Variants in CNTNAP5 observed in about 807,000 individuals in gnomAD.
CNTNAP5 encodes contactin associated protein family member 5, also known as contactin-associated protein-like 5.
In CNTNAP5, 72 loss-of-function variants were observed where a neutral mutation model predicts 150.2. The ratio of observed to expected loss-of-function variants is 0.48; its 90% CI spans 0.40 to 0.58. The LOEUF (loss-of-function observed/expected upper bound fraction) is 0.58, where lower values mean the gene tolerates loss of function less well. Ranked by LOEUF, CNTNAP5 falls within the 20% of genes least tolerant of loss-of-function variation. The probability of loss-of-function intolerance (pLI) is 0.00; values close to 1 mark genes in which losing one functional copy is unlikely to be tolerated. For missense variants in CNTNAP5, 1,636 were observed against 1,626.2 expected, an observed-to-expected ratio of 1.01 and a Z score of -0.10; for synonymous variants, 672 against 619.8, an observed-to-expected ratio of 1.08 and a Z score of -1.25.
rs58229263 is a variant in CNTNAP5, at chr2:124,482,046, A to T, written c.1062+7164A>T. ...TCAATCTTCAAGTGCTTTTTAAAAA[A>T]ACGGGCTATGTAAAAGTTGAAACGA... On this transcript the variant is annotated intron_variant, in intron 7 of 23. Coordinates refer to ENST00000682447, the MANE Select transcript of CNTNAP5 (RefSeq NM_001367498.1). Among the ~76,000 whole-genome samples the T allele has an allele frequency of 2.4e-3, 368 of 152,364 alleles. 4 individuals carry two copies. The highest frequency in any genetic ancestry group is 8.3e-3 in the African/African-American group (344 of 41,588).
Position 124,447,462 on chromosome 2 carries a change from G to C in CNTNAP5, c.918+525G>C, listed in dbSNP as rs376749852. ...AATGAACCAGTTCAATGCAAAGAAG[G>C]CTGCACAAAGCTCTGCAAACTGGCA... On this transcript the variant is annotated intron_variant, in intron 6 of 23. Coordinates refer to ENST00000682447, the MANE Select transcript of CNTNAP5 (RefSeq NM_001367498.1). 1.6e-3 allele frequency among the ~76,000 whole-genome samples: 244 copies of C among 152,238 alleles called. 2 individuals are homozygous for C. Among genetic ancestry groups the C allele is most frequent in the African/African-American group, 5.8e-3 (240 of 41,552 alleles).
chr2:124,560,539 A>G (rs999653514), intron 10 of CNTNAP5, among the ~76,000 whole-genome samples: 17 of 148,032 alleles, frequency 1.1e-4, no homozygotes, highest in East Asian at 4.2e-4. Flanking sequence ...AAAAAAAACT[A>G]AAGTGCAGAA....
At chr2:124,397,039 A>G (rs1278568009) in intron 3 of CNTNAP5, among the ~76,000 whole-genome samples, 1 of 152,192 alleles carries the variant, frequency 6.6e-6, no homozygotes, top group Non-Finnish European at 1.5e-5. Flanking sequence ...GCACATCACT[A>G]TATTGCAATG....
Position 124,574,385 on chromosome 2 carries a change from T to C in CNTNAP5, c.1756+11062T>C, listed in dbSNP as rs1004065249. Among the ~76,000 whole-genome samples the C allele has an allele frequency of 2.2e-4, 33 of 152,256 alleles. 1 individual carries two copies. Among genetic ancestry groups the C allele is most frequent in the South Asian group, 8.3e-4 (4 of 4,834 alleles). On this transcript the variant is annotated intron_variant, in intron 11 of 23. Transcript: ENST00000682447. ...CATGACTCAGAATAAGAATGTGATA[T>C]AATCTCACTCAATAGTTTCTATTTC...
intron 1 of CNTNAP5, among the ~76,000 whole-genome samples, chr2:124,139,533 A>G (rs552326999): frequency 6.6e-6 from 1 of 152,240 alleles, no homozygotes; most frequent in East Asian, 1.9e-4. Context: ...AGGAGGAACA[A>G]GAGAGTCTCG....
intron 1 of CNTNAP5, among the ~76,000 whole-genome samples, chr2:124,095,885 A>G (rs904528597): frequency 2.0e-5 from 3 of 152,162 alleles, no homozygotes; most frequent in African/African-American, 7.2e-5. Flanking sequence ...TAACACTCTT[A>G]TGAGATAAAC....
intron 4 of CNTNAP5, among the ~76,000 whole-genome samples, chr2:124,418,097 T>C (rs1378198213): frequency 6.6e-6 from 1 of 152,230 alleles, no homozygotes; most frequent in Non-Finnish European, 1.5e-5. Flanking sequence ...ATTAGAGTTC[T>C]ATCTTGCACA....
chr2:124,471,970 T>G (rs2104830968), intron 6 of CNTNAP5, among the ~76,000 whole-genome samples: 1 of 152,264 alleles, frequency 6.6e-6, no homozygotes, highest in South Asian at 2.1e-4. Flanking sequence ...TTTGTGGAAT[T>G]TACAAGTTCA....
At chr2:124,211,894 T>A (rs994341732) in intron 1 of CNTNAP5, among the ~76,000 whole-genome samples, 5 of 152,228 alleles carry the variant, frequency 3.3e-5, no homozygotes, top group African/African-American at 1.2e-4. Flanking sequence ...TTTAAGATCA[T>A]GGTTTCCTGA....
Position 124,510,477 on chromosome 2 carries a change from G to GTATATATA in CNTNAP5, c.1327+5956_1327+5963dup, listed in dbSNP as rs70996072. ...ACAAAAAAGTAAATTTTATGTATGT[G>GTATATATA]TATATATATATATATATATATATAT... On this transcript the variant is annotated intron_variant, in intron 8 of 23. Coordinates refer to ENST00000682447, the MANE Select transcript of CNTNAP5 (RefSeq NM_001367498.1). Among the ~76,000 whole-genome samples, 63 of 102,490 alleles carry GTATATATA rather than the reference G, an allele frequency of 6.1e-4. 1 individual carries two copies. Among genetic ancestry groups the GTATATATA allele is most frequent in the South Asian group, 1.5e-3 (4 of 2,634 alleles). The allele number at this position is 102,490 out of a possible 152,430, so 67.2% of individuals were successfully genotyped here.
intron 13 of CNTNAP5, among the ~76,000 whole-genome samples, chr2:124,669,738 C>T (rs1006257253): frequency 1.3e-5 from 2 of 152,174 alleles, no homozygotes; most frequent in African/African-American, 4.8e-5. Context: ...GACACTCAGA[C>T]CAAAAAACCT....
intron 1 of CNTNAP5, among the ~76,000 whole-genome samples, chr2:124,200,836 A>T (rs1685711515): frequency 6.6e-6 from 1 of 152,106 alleles, no homozygotes; most frequent in Non-Finnish European, 1.5e-5. Context: ...TAATACCCAA[A>T]TACTGACTGA....
intron 6 of CNTNAP5, among the ~76,000 whole-genome samples, chr2:124,451,051 A>C (rs372861441): frequency 1.5e-5 from 1 of 65,308 alleles, no homozygotes; most frequent in South Asian, 6.5e-4. Context: ...AAAAAAAAAA[A>C]ATATATATAT....
chr2:124,295,804 T>C (rs1450005327), intron 3 of CNTNAP5, among the ~76,000 whole-genome samples: 1 of 152,172 alleles, frequency 6.6e-6, no homozygotes, highest in Admixed American at 6.5e-5. Flanking sequence ...TTCCTCCCAA[T>C]TTTAGACCAT....
chr2:124,772,557 G>T (rs1293747450), intron 16 of CNTNAP5, among the ~76,000 whole-genome samples: 3 of 152,106 alleles, frequency 2.0e-5, no homozygotes, highest in East Asian at 1.9e-4. Flanking sequence ...GAGCATGAAT[G>T]GTCCAGGTGC....
chr2:124,724,842 A>G (rs1180704079), intron 13 of CNTNAP5, among the ~76,000 whole-genome samples: 1 of 151,194 alleles, frequency 6.6e-6, no homozygotes, highest in Non-Finnish European at 1.5e-5. Flanking sequence ...TAAGCCAGCA[A>G]TTCGAAGGCA....
intron 6 of CNTNAP5, among the ~76,000 whole-genome samples, chr2:124,459,780 A>G (rs2420863): frequency 8.6e-6 from 1 of 116,432 alleles, no homozygotes; most frequent in African/African-American, 3.3e-5. Flanking sequence ...AAAAAAAAAA[A>G]GGAATTGTGT....
At chr2:124,805,676 A>G (rs1231140648) in intron 19 of CNTNAP5, among the ~76,000 whole-genome samples, 1 of 152,212 alleles carries the variant, frequency 6.6e-6, no homozygotes, top group East Asian at 1.9e-4. Context: ...AGGGCTGCCA[A>G]AACAAAATAC....
intron 19 of CNTNAP5, among the ~76,000 whole-genome samples, chr2:124,845,592 T>G (rs932041252): frequency 6.6e-6 from 1 of 152,098 alleles, no homozygotes. Flanking sequence ...ATGATAGAAT[T>G]AAACTGTGAA....
Sources: gnomAD v4.1 joint callset for allele counts (sites outside exome capture counted in the v4.1 genomes callset) on GRCh38, gnomAD v4.1.1 for gene constraint, MANE v1.5 for transcripts, NCBI Gene and HGNC (gene_info 2026-07-23, HGNC 2026-07-21) for gene names.